The following UNC5C variants were observed in gnomAD, a reference collection of about 807,000 sequenced individuals.
UNC5C encodes netrin receptor UNC5C.
UNC5C carries 47 observed loss-of-function variants against 99.8 expected under a neutral mutation model. The ratio of observed to expected loss-of-function variants is 0.47; its 90% CI spans 0.37 to 0.60. The LOEUF is 0.60. UNC5C is among the 20% of genes least tolerant of loss of function. The pLI is 0.00. For missense variants in UNC5C, 1,062 were observed against 1,165.9 expected (o/e 0.91, Z 1.30); for synonymous variants, 487 against 452.2 (o/e 1.08, Z -0.98).
intron 14 of UNC5C, among the ~76,000 whole-genome samples, chr4:95,182,271 CAG>C (rs1491378128): frequency 1.3e-5 from 2 of 152,270 alleles, no homozygotes; most frequent in Admixed American, 6.5e-5. Flanking sequence ...CTGATGGCCA[CAG>C]GGGGGAAATA....
chr4:95,343,960 G>A (rs2149425345), intron 1 of UNC5C, among the ~76,000 whole-genome samples: 1 of 152,066 alleles, frequency 6.6e-6, no homozygotes, highest in African/African-American at 2.4e-5. Flanking sequence ...TAGCCTCAAA[G>A]GGACAAATCT....
chr4:95,279,732 A>G (rs1270015362), intron 3 of UNC5C, among the ~76,000 whole-genome samples: 1 of 152,196 alleles, frequency 6.6e-6, no homozygotes, highest in African/African-American at 2.4e-5. Context: ...AAGACATAAG[A>G]ATCTGAAAGC....
chr4:95,448,263 A>AGAG (rs1420042351), intron 1 of UNC5C, among the ~76,000 whole-genome samples: 5 of 139,072 alleles, frequency 3.6e-5, no homozygotes, highest in South Asian at 2.3e-4. Flanking sequence ...AGAGAGAGAG[A>AGAG]AAGCCTGATT....
Position 95,436,083 on chromosome 4 carries a change from C to A in UNC5C, c.125-100452G>T, listed in dbSNP as rs543019482. On this transcript the variant is annotated intron_variant, in intron 1 of 15. Coordinates refer to ENST00000453304, the MANE Select transcript of UNC5C (RefSeq NM_003728.4). The stretch of plus-strand genomic sequence containing the variant: ...TTAAAAGTGTCCTATAATAGAGATG[C>A]AAATTTATATTAAAATAATTTTTAT... Among the ~76,000 whole-genome samples the A allele has an allele frequency of 7.1e-4, 108 of 151,494 alleles. 1 individual carries two copies. Among genetic ancestry groups the A allele is most frequent in the Non-Finnish European group, 6.9e-4 (47 of 67,842 alleles).
chr4:95,525,402 C>G (rs1722471943), intron 1 of UNC5C, among the ~76,000 whole-genome samples: 1 of 151,996 alleles, frequency 6.6e-6, no homozygotes, highest in Non-Finnish European at 1.5e-5. Flanking sequence ...ATTATTCACT[C>G]TTTCTATTCA....
intron 1 of UNC5C, among the ~76,000 whole-genome samples, chr4:95,357,005 A>G (rs1437497037): frequency 6.6e-6 from 1 of 152,096 alleles, no homozygotes; most frequent in Admixed American, 6.5e-5. Context: ...TGGCTCTGCT[A>G]TGTATTTTCT....
intron 1 of UNC5C, among the ~76,000 whole-genome samples, chr4:95,429,173 C>T (rs578036388): frequency 2.0e-5 from 3 of 151,470 alleles, no homozygotes; most frequent in African/African-American, 4.9e-5. Context: ...TTAAAACTAG[C>T]GTTTAGATGA....
intron 1 of UNC5C, among the ~76,000 whole-genome samples, chr4:95,338,625 A>C (rs781072958): frequency 6.6e-6 from 1 of 152,076 alleles, no homozygotes; most frequent in African/African-American, 2.4e-5. Flanking sequence ...AATGCTTAAC[A>C]CTAGAGATGA....
chr4:95,265,238 T>C (rs1285031467), intron 4 of UNC5C, among the ~76,000 whole-genome samples: 1 of 152,154 alleles, frequency 6.6e-6, no homozygotes, highest in Non-Finnish European at 1.5e-5. Flanking sequence ...TAAGCTCTAT[T>C]CATACTTCCA....
intron 12 of UNC5C, among the ~76,000 whole-genome samples, chr4:95,199,191 C>T (rs1471869901): frequency 1.3e-5 from 2 of 151,950 alleles, no homozygotes; most frequent in Non-Finnish European, 1.5e-5. Context: ...AGAGAAGTAG[C>T]GAGATGGGAG....
chr4:95,215,827 GTC>G (rs1264383037), intron 10 of UNC5C, among the ~76,000 whole-genome samples: 1 of 152,122 alleles, frequency 6.6e-6, no homozygotes, highest in East Asian at 1.9e-4. Flanking sequence ...CTACCCACTT[GTC>G]TCTCTGGACA....
At chr4:95,182,851 G>C (rs1375105181) in intron 14 of UNC5C, 46 bp downstream of exon 14, 2 of 1,573,882 alleles carry the variant, frequency 1.3e-6, no homozygotes, top group African/African-American at 1.3e-5. Context: ...CTGTCTTCCT[G>C]AGTGTCGCAC....
At chr4:95,425,458 A>G (rs920337336) in intron 1 of UNC5C, among the ~76,000 whole-genome samples, 1 of 152,198 alleles carries the variant, frequency 6.6e-6, no homozygotes. Flanking sequence ...AGTAACTGGG[A>G]CTACAGGCGC....
intron 1 of UNC5C, among the ~76,000 whole-genome samples, chr4:95,443,866 C>A (rs1258012337): frequency 1.3e-5 from 2 of 151,990 alleles, no homozygotes; most frequent in African/African-American, 2.4e-5. Context: ...ATACAAACAC[C>A]CTATTTTTTC....
rs192416554 is a variant in UNC5C, at chr4:95,318,015, G to T, written c.347-16266C>A. Reference sequence around the variant, plus strand: ...GAATCTTACTTTGTTTGACAAAAAGGTCTTTGCAGAAGTCATTAGTTAAAG... The same window carrying T: ...GAATCTTACTTTGTTTGACAAAAAGTTCTTTGCAGAAGTCATTAGTTAAAG... On this transcript the variant is annotated intron_variant, in intron 2 of 15. Transcript: ENST00000453304. Among the ~76,000 whole-genome samples, 602 of 152,226 alleles carry T rather than the reference G, an allele frequency of 4.0e-3. 3 individuals are homozygous for T. The highest frequency in any genetic ancestry group is 6.9e-3 in the Non-Finnish European group (472 of 68,008).
intron 3 of UNC5C, among the ~76,000 whole-genome samples, chr4:95,284,897 C>T (rs1353710411): frequency 2.6e-5 from 4 of 152,108 alleles, no homozygotes; most frequent in Non-Finnish European, 5.9e-5. Context: ...TTGCCTGTCA[C>T]TGTCTGAAAA....
rs1168795783 is a variant in UNC5C, at chr4:95,335,458, C to T, written c.298G>A (p.Val100Ile). ...QIYFKCNSEW[V>I]HQKDHIVDER... Reference sequence around the variant, plus strand: ...TCTACTATGTGGTCCTTCTGATGAACCCATTCACTATTACACTTGAAATAG... The same window carrying T: ...TCTACTATGTGGTCCTTCTGATGAATCCATTCACTATTACACTTGAAATAG... The change falls in exon 2 of 16, where the codon GTT (valine) becomes ATT (isoleucine). Residue 100 changes from valine (V) to isoleucine (I), a missense_variant. Around this residue, in one of 3 missense-constraint regions of UNC5C, gnomAD observed 249 missense variants for 295.1 expected, o/e 0.84. Coordinates refer to ENST00000453304, the MANE Select transcript of UNC5C (RefSeq NM_003728.4). The T allele has an allele frequency of 1.2e-6, 2 of 1,612,342 alleles. No homozygotes were observed. The highest frequency in any genetic ancestry group is 1.1e-5 in the South Asian group (1 of 91,012).
intron 1 of UNC5C, among the ~76,000 whole-genome samples, chr4:95,489,108 G>C (rs776571021): frequency 6.7e-6 from 1 of 149,634 alleles, no homozygotes; most frequent in African/African-American, 2.5e-5. Context: ...GAAAGGGGGA[G>C]GGGGAGAGGA....
At chr4:95,265,359 A>G (rs1171671227) in intron 4 of UNC5C, among the ~76,000 whole-genome samples, 1 of 152,180 alleles carries the variant, frequency 6.6e-6, no homozygotes, top group East Asian at 1.9e-4. Context: ...ATCCATCACA[A>G]TATCTCCTCA....
Sources: gnomAD v4.1 joint callset for allele counts (sites outside exome capture counted in the v4.1 genomes callset) on GRCh38, gnomAD v4.1.1 for gene constraint, gnomAD v4.1.1 regional missense constraint, MANE v1.5 for transcripts, NCBI Gene and HGNC (gene_info 2026-07-23, HGNC 2026-07-21) for gene names.